Variants in LANCL1 observed in about 807,000 individuals in gnomAD.
LANCL1 encodes LanC like glutathione S-transferase 1.
In LANCL1, 50 loss-of-function variants were observed where a neutral mutation model predicts 50.6. The ratio of observed to expected loss-of-function variants is 0.99; its 90% confidence interval spans 0.79 to 1.25. LANCL1 has a LOEUF of 1.25. LANCL1 is among the 50% of genes most tolerant of loss of function. LANCL1 has a pLI of 0.00. For missense variants in LANCL1, 532 were observed against 480.7 expected (o/e 1.11, Z -1.00); for synonymous variants, 188 against 178.6 (o/e 1.05, Z -0.42).
rs762888206 is a variant in LANCL1 at position 210,436,277 on chromosome 2, T to C, written c.989A>G (p.Tyr330Cys). ...GLCHGSAGNAYAFLTLYNLTQ... is the reference protein window; with the variant it reads ...GLCHGSAGNACAFLTLYNLTQ... ...GAGGTTGTAGAGTGTCAGGAAGGCA[T>C]AGGCATTCCCTGCAGAACCGTGGCA... The change falls in exon 8 of 10, where the codon TAT (tyrosine) becomes TGT (cysteine). Residue 330 changes from tyrosine (Y) to cysteine (C), a missense_variant. Physicochemically the swap from Tyr to Cys is radical, Grantham distance 194 (BLOSUM62 -2). Coordinates refer to ENST00000450366, the MANE Select transcript of LANCL1 (RefSeq NM_006055.3). 14 of 1,613,892 alleles carry C rather than the reference T, an allele frequency of 8.7e-6. No individual in the cohort carries two copies. The highest frequency in any genetic ancestry group is 5.3e-5 in the African/African-American group (4 of 74,880).
chr2:210,439,262 T>C (rs897023984), intron 6 of LANCL1, among the ~76,000 whole-genome samples: 2 of 152,194 alleles, frequency 1.3e-5, no homozygotes, highest in Non-Finnish European at 2.9e-5. Flanking sequence ...GAAAAATCAA[T>C]ACTTGGGTTT....
chr2:210,438,971 C>T (rs760202196), intron 6 of LANCL1, among the ~76,000 whole-genome samples: 2 of 151,964 alleles, frequency 1.3e-5, no homozygotes, highest in Admixed American at 6.6e-5. Flanking sequence ...AGGCAGGAGG[C>T]GGTCGTGGTG....
chr2:210,463,710 T>C (rs2098502), intron 3 of LANCL1, among the ~76,000 whole-genome samples: 13,287 of 152,264 alleles, frequency 0.087, 1,819 homozygotes, highest in African/African-American at 0.29. Flanking sequence ...TAACATCTCA[T>C]TCCTGAATGA....
At chr2:210,449,637 T>C (rs1213925664) in intron 4 of LANCL1, among the ~76,000 whole-genome samples, 2 of 151,626 alleles carry the variant, frequency 1.3e-5, no homozygotes, top group Non-Finnish European at 1.5e-5. Flanking sequence ...CTTAAGCTGC[T>C]GATAAGCAAA....
intron 3 of LANCL1, among the ~76,000 whole-genome samples, chr2:210,463,330 C>T (rs1693931945): frequency 1.3e-5 from 2 of 152,214 alleles, no homozygotes; most frequent in South Asian, 4.2e-4. Flanking sequence ...CCTGCTTCAG[C>T]CTCCTGAGTA....
intron 6 of LANCL1, among the ~76,000 whole-genome samples, chr2:210,438,628 T>C (rs1252552698): frequency 6.6e-6 from 1 of 152,042 alleles, no homozygotes; most frequent in Non-Finnish European, 1.5e-5. Context: ...AGAGAAGAGA[T>C]AGGTGGTATT....
rs780897094 is a variant in LANCL1 at position 210,436,217 on chromosome 2, T to C, written c.1049A>G (p.Lys350Arg). 8.1e-6 allele frequency: 13 copies of C among 1,613,522 alleles called. No homozygotes were observed. Among genetic ancestry groups the C allele is most frequent in the Non-Finnish European group, 1.1e-5 (13 of 1,179,602 alleles). The change falls in exon 8 of 10, where the codon AAG becomes AGG. Residue 350 changes from lysine (K) to arginine (R), a missense_variant and splice_region_variant. By Grantham distance (26) the Lys-to-Arg change is conservative. Coordinates refer to ENST00000450366, the MANE Select transcript of LANCL1 (RefSeq NM_006055.3). Reference protein sequence around the residue: ...QDMKYLYRACKFAEWCLEYGE... With the variant: ...QDMKYLYRACRFAEWCLEYGE... ...CTATTTGGTGGTTCTGACTCCTACC[T>C]TACAGGCCCTATACAGGTACTTCAT...
rs377705523 is a variant in LANCL1, at chr2:210,476,732, C to G, written c.-129G>C. The G allele has an allele frequency of 9.2e-6, 10 of 1,091,974 alleles. No homozygotes were observed. The African/African-American group carries it at 9.8e-5, about 11-fold the overall frequency. The allele number at this position is 1,091,974 out of a possible 1,614,324, so 67.6% of individuals were successfully genotyped here. On this transcript the variant is annotated 5_prime_UTR_variant, in exon 1 of 10. Coordinates refer to ENST00000450366, the MANE Select transcript of LANCL1 (RefSeq NM_006055.3). ...GCCCTGGCCTCTCACCCCGCAGCCC[C>G]GGACAGTAACAGAAGGGCTATTTTA... is the stretch of plus-strand genomic sequence containing the variant.
At chr2:210,475,895 G>A (rs988997058) in intron 2 of LANCL1, among the ~76,000 whole-genome samples, 1 of 151,968 alleles carries the variant, frequency 6.6e-6, no homozygotes, top group Non-Finnish European at 1.5e-5. Flanking sequence ...GTTTAAAGAC[G>A]TCCTTACCAT....
intron 4 of LANCL1, among the ~76,000 whole-genome samples, chr2:210,453,101 T>C (rs1191230936): frequency 6.6e-6 from 1 of 152,208 alleles, no homozygotes; most frequent in Non-Finnish European, 1.5e-5. Flanking sequence ...AAATCAAAGC[T>C]ATAGCCACAA....
chr2:210,467,464 T>C (rs953710455), intron 3 of LANCL1, among the ~76,000 whole-genome samples: 8 of 152,222 alleles, frequency 5.3e-5, no homozygotes, highest in African/African-American at 1.9e-4. Flanking sequence ...ACCTTTATAA[T>C]GATCCACTTC....
chr2:210,465,391 G>T (rs1228560444), intron 3 of LANCL1, among the ~76,000 whole-genome samples: 1 of 152,186 alleles, frequency 6.6e-6, no homozygotes, highest in Non-Finnish European at 1.5e-5. Flanking sequence ...CGAAACACCT[G>T]AACTGCTTGA....
chr2:210,476,175 AT>A (rs1694361031), intron 2 of LANCL1, 140 bp downstream of exon 2: 3 of 569,880 alleles, frequency 5.3e-6, no homozygotes, highest in Admixed American at 6.8e-5. Context: ...ATTAACATGT[AT>A]TTTTAAATAA....
intron 3 of LANCL1, among the ~76,000 whole-genome samples, chr2:210,455,945 G>C (rs1372453605): frequency 6.6e-6 from 1 of 151,266 alleles, no homozygotes; most frequent in Non-Finnish European, 1.5e-5. Context: ...TTTTTCTGTC[G>C]AGGGCCCACC....
At chr2:210,461,774 C>A (rs1693870334) in intron 3 of LANCL1, among the ~76,000 whole-genome samples, 1 of 150,820 alleles carries the variant, frequency 6.6e-6, no homozygotes, top group Non-Finnish European at 1.5e-5. Flanking sequence ...GTGAGCTGAT[C>A]ATCATTTCCC....
intron 3 of LANCL1, among the ~76,000 whole-genome samples, chr2:210,463,220 T>G (rs969059283): frequency 2.0e-5 from 3 of 150,542 alleles, no homozygotes; most frequent in African/African-American, 7.3e-5. Context: ...ATTTATTTAT[T>G]TTTTTTTTTG....
chr2:210,475,197 G>C (rs965425524), intron 2 of LANCL1, among the ~76,000 whole-genome samples: 2 of 152,186 alleles, frequency 1.3e-5, no homozygotes, highest in Non-Finnish European at 2.9e-5. Flanking sequence ...AGATTAATTT[G>C]ACAGGGATGA....
chr2:210,472,474 A>T (rs868855519), intron 2 of LANCL1, among the ~76,000 whole-genome samples: 24 of 152,204 alleles, frequency 1.6e-4, no homozygotes, highest in African/African-American at 5.3e-4. Flanking sequence ...GCAGCAAGGT[A>T]AATTCCCTAA....
At chr2:210,458,955 T>A (rs892106383) in intron 3 of LANCL1, among the ~76,000 whole-genome samples, 3 of 152,182 alleles carry the variant, frequency 2.0e-5, no homozygotes, top group Admixed American at 2.0e-4. Context: ...TACTTTAAAA[T>A]GTGACAAAAG....
Sources: gnomAD v4.1 joint callset for allele counts (sites outside exome capture counted in the v4.1 genomes callset) on GRCh38, gnomAD v4.1.1 for gene constraint, MANE v1.5 for transcripts, NCBI Gene and HGNC (gene_info 2026-07-23, HGNC 2026-07-21) for gene names.